PCDH15: variants seen among roughly 807,000 people sequenced by gnomAD.
PCDH15 encodes protocadherin related 15.
A neutral mutation model predicts 178.5 loss-of-function variants in PCDH15; 129 were observed. The ratio of observed to expected loss-of-function variants is 0.72; its 90% CI spans 0.63 to 0.84. The LOEUF (loss-of-function observed/expected upper bound fraction) is 0.84, where lower values mean the gene tolerates loss of function less well. PCDH15 is among the 40% of genes least tolerant of loss of function. The pLI is 0.00. For synonymous variants in PCDH15, 800 were observed against 732.0 expected (o/e 1.09, Z -1.50); for missense variants, 2,230 against 2,099.9 (o/e 1.06, Z -1.21).
chr10:54,592,292 C>A (rs1419440962), intron 2 of PCDH15, among the ~76,000 whole-genome samples: 7 of 151,936 alleles, frequency 4.6e-5, no homozygotes, highest in Non-Finnish European at 8.8e-5. Context: ...CCTCTCTGCT[C>A]CTGTCCCCTC....
At chr10:53,954,005 T>C (rs2087360172) in intron 23 of PCDH15, among the ~76,000 whole-genome samples, 1 of 152,162 alleles carries the variant, frequency 6.6e-6, no homozygotes, top group Non-Finnish European at 1.5e-5. Context: ...TTAGCCAGGA[T>C]GGTCTCAATC....
intron 2 of PCDH15, among the ~76,000 whole-genome samples, chr10:54,566,365 A>G (rs1428375414): frequency 6.6e-6 from 1 of 152,150 alleles, no homozygotes; most frequent in African/African-American, 2.4e-5. Context: ...ACTAGTTTAT[A>G]TTAGGGTTTA....
At chr10:55,085,846 T>C (rs1842155664) in intron 2 of PCDH15, among the ~76,000 whole-genome samples, 1 of 151,764 alleles carries the variant, frequency 6.6e-6, no homozygotes, top group Non-Finnish European at 1.5e-5. Context: ...AGACTATTAA[T>C]TAAAATTAGG....
intron 3 of PCDH15, among the ~76,000 whole-genome samples, chr10:54,514,665 T>C (rs1377366738): frequency 1.0e-5 from 1 of 99,292 alleles, no homozygotes; most frequent in Non-Finnish European, 2.0e-5. Context: ...CAAAATAGAC[T>C]TCAAAAAAAA....
At chr10:55,375,608 A>G (rs753173368) in intron 2 of PCDH15, among the ~76,000 whole-genome samples, 36 of 152,120 alleles carry the variant, frequency 2.4e-4, no homozygotes, top group Non-Finnish European at 4.0e-4. Flanking sequence ...AATAAAAGTT[A>G]TCAGATTTAT....
intron 2 of PCDH15, among the ~76,000 whole-genome samples, chr10:55,627,361 A>C (rs1013320075): frequency 3.3e-5 from 5 of 152,138 alleles, no homozygotes; most frequent in South Asian, 2.1e-4. Context: ...CATTCTCAAA[A>C]TCTGCAAGGT....
intron 2 of PCDH15, among the ~76,000 whole-genome samples, chr10:55,107,594 C>T (rs548153215): frequency 4.1e-5 from 6 of 147,222 alleles, no homozygotes; most frequent in African/African-American, 7.6e-5. Flanking sequence ...TGGGTTCAAG[C>T]GATTCTACTG....
In PCDH15 at chr10:54,811,614, C is replaced by T. The variant is rs572025190; in HGVS notation, c.-29+85836G>A. Among the ~76,000 whole-genome samples the T allele has an allele frequency of 2.4e-4, 36 of 151,976 alleles. No individual in the cohort carries two copies. The South Asian group carries it at 2.7e-3, about 11-fold the overall frequency. On this transcript the variant is annotated intron_variant, in intron 3 of 5. Transcript: ENST00000458638. Reference sequence around the variant, plus strand: ...GCCTCCTGAGTCGCTGGGATTACAGCCATGCGCCACGACGCCCCGCAATTT... The same window carrying T: ...GCCTCCTGAGTCGCTGGGATTACAGTCATGCGCCACGACGCCCCGCAATTT...
chr10:54,090,526 C>T (rs2094582867), intron 15 of PCDH15, among the ~76,000 whole-genome samples: 1 of 151,692 alleles, frequency 6.6e-6, no homozygotes. Context: ...CACCTGTAAC[C>T]CCAGCTACTT....
At chr10:54,442,574 A>T (rs2075896605) in intron 3 of PCDH15, among the ~76,000 whole-genome samples, 1 of 148,418 alleles carries the variant, frequency 6.7e-6, no homozygotes, top group Admixed American at 6.8e-5. Context: ...AAATTCCTAT[A>T]GTTATGTTAG....
At chr10:54,735,163 T>C (rs1175858557) in intron 1 of PCDH15, among the ~76,000 whole-genome samples, 1 of 152,074 alleles carries the variant, frequency 6.6e-6, no homozygotes, top group Non-Finnish European at 1.5e-5. Flanking sequence ...ATATATTTTA[T>C]GCATAGAAAA....
chr10:54,401,143 T>C (rs1951884808), intron 3 of PCDH15, among the ~76,000 whole-genome samples: 2 of 152,014 alleles, frequency 1.3e-5, no homozygotes, highest in Admixed American at 6.6e-5. Flanking sequence ...GCCTGGCTCT[T>C]GTAGATTCCT....
intron 2 of PCDH15, among the ~76,000 whole-genome samples, chr10:55,593,723 A>G (rs551960516): frequency 6.6e-6 from 1 of 152,020 alleles, no homozygotes; most frequent in Admixed American, 6.6e-5. Context: ...ATTAAAATAG[A>G]AGACTTCCAT....
intron 25 of PCDH15, among the ~76,000 whole-genome samples, chr10:53,933,233 T>A (rs952274090): frequency 6.6e-6 from 1 of 152,104 alleles, no homozygotes; most frequent in East Asian, 1.9e-4. Flanking sequence ...TGTAGGTTTG[T>A]TACACATGTA....
chr10:54,252,340 TCCAAACCTA>T (rs2056548599), intron 8 of PCDH15, among the ~76,000 whole-genome samples: 1 of 152,158 alleles, frequency 6.6e-6, no homozygotes, highest in South Asian at 2.1e-4. Context: ...TGTATTTCAA[TCCAAACCTA>T]CTTTAGGTTA....
intron 1 of PCDH15, among the ~76,000 whole-genome samples, chr10:54,755,458 A>G (rs1946943914): frequency 6.6e-6 from 1 of 152,314 alleles, no homozygotes; most frequent in African/African-American, 2.4e-5. Context: ...AAAATGCTTA[A>G]GGGTGCAGCT....
intron 11 of PCDH15, among the ~76,000 whole-genome samples, chr10:54,189,786 C>T (rs1329313098): frequency 6.6e-6 from 1 of 152,034 alleles, no homozygotes; most frequent in Non-Finnish European, 1.5e-5. Context: ...CTGGTGGTCT[C>T]AGACATGCCT....
rs373075832 is a variant in PCDH15 at position 53,931,355 on chromosome 10, T to C, written c.3373+7460A>G. On this transcript the variant is annotated intron_variant, in intron 25 of 37. Transcript: ENST00000644397. ...GTATGAGTGGTATGTATGCTACAAA[T>C]TTGCATACTGTTAGCTTGATATTTA... Among the ~76,000 whole-genome samples, 112 of 152,312 alleles carry C rather than the reference T, an allele frequency of 7.4e-4. No individual in the cohort carries two copies. The Middle Eastern group carries it at 0.014, about 19-fold the overall frequency.
intron 8 of PCDH15, among the ~76,000 whole-genome samples, chr10:54,272,350 T>C (rs958897303): frequency 1.3e-4 from 19 of 151,940 alleles, no homozygotes; most frequent in African/African-American, 4.6e-4. Flanking sequence ...TCCCACTGTT[T>C]CAACAAGAGT....
Sources: allele counts gnomAD v4.1 joint callset (sites outside exome capture counted in the v4.1 genomes callset), GRCh38; gene constraint gnomAD v4.1.1; transcripts MANE v1.5; gene names NCBI Gene and HGNC (gene_info 2026-07-23, HGNC 2026-07-21).